The following SAMD5 variants were observed in gnomAD, a reference collection of about 807,000 sequenced individuals.
The protein encoded by SAMD5 is sterile alpha motif domain-containing protein 5.
SAMD5 carries 13 observed loss-of-function variants against 11.3 expected under a neutral mutation model. The observed-to-expected ratio is 1.15, with a 90% CI of 0.75 to 1.83. The LOEUF (loss-of-function observed/expected upper bound fraction) is 1.83. Among genes scored for constraint, SAMD5 ranks in the 40% most tolerant of loss-of-function variants. The pLI is 0.00. For missense variants in SAMD5, 255 were observed against 239.1 expected (o/e 1.07, Z -0.44); for synonymous variants, 129 against 111.3 (o/e 1.16, Z -1.00).
At chr6:147,795,296 A>G in the SAMD5 span, among the ~76,000 whole-genome samples, 1 of 142,440 alleles carries the variant, frequency 7.0e-6, no homozygotes, top group Non-Finnish European at 1.5e-5. Context: ...ATTCCCACCT[A>G]TGAGTGAGAA....
At chr6:147,777,253 G>A in the SAMD5 span, among the ~76,000 whole-genome samples, 4 of 151,892 alleles carry the variant, frequency 2.6e-5, no homozygotes, top group African/African-American at 7.3e-5. Flanking sequence ...GATTTGTGCC[G>A]ATGACATTGG....
the SAMD5 span, among the ~76,000 whole-genome samples, chr6:147,830,224 A>G: frequency 6.7e-6 from 1 of 149,100 alleles, no homozygotes; most frequent in African/African-American, 2.5e-5. Flanking sequence ...CTCCCTCCCA[A>G]TAAGCTTTTT....
chr6:147,704,675 T>C (rs148398317), intron 1 of SAMD5, among the ~76,000 whole-genome samples: 19 of 152,132 alleles, frequency 1.2e-4, no homozygotes, highest in African/African-American at 4.6e-4. Context: ...CCCTTTAAGG[T>C]TGACAAAAAT....
the SAMD5 span, among the ~76,000 whole-genome samples, chr6:147,758,670 G>A: frequency 6.6e-6 from 1 of 152,088 alleles, no homozygotes; most frequent in Non-Finnish European, 1.5e-5. Context: ...AATGGAAATC[G>A]AGTCAGGGCA....
At chr6:147,544,780 A>G (rs1290435486) in intron 1 of SAMD5, among the ~76,000 whole-genome samples, 1 of 152,218 alleles carries the variant, frequency 6.6e-6, no homozygotes, top group African/African-American at 2.4e-5. Flanking sequence ...TCCTGAGCGA[A>G]TAAGAAACAA....
the SAMD5 span, among the ~76,000 whole-genome samples, chr6:147,912,636 G>C: frequency 5.3e-5 from 8 of 152,146 alleles, no homozygotes; most frequent in Non-Finnish European, 1.2e-4. Flanking sequence ...CATTACATCA[G>C]TATTTGTAAC....
chr6:147,615,883 C>G (rs1158273882), intron 1 of SAMD5, among the ~76,000 whole-genome samples: 5 of 152,092 alleles, frequency 3.3e-5, no homozygotes, highest in African/African-American at 1.2e-4. Context: ...TACTATGATT[C>G]TGCTCTTCTA....
At chr6:147,880,835 G>A in the SAMD5 span, among the ~76,000 whole-genome samples, 1 of 151,910 alleles carries the variant, frequency 6.6e-6, no homozygotes, top group Non-Finnish European at 1.5e-5. Flanking sequence ...CAAAATTTTG[G>A]TTAGATTCTT....
the SAMD5 span, among the ~76,000 whole-genome samples, chr6:147,783,482 C>T: frequency 6.6e-6 from 1 of 152,046 alleles, no homozygotes; most frequent in Admixed American, 6.6e-5. Context: ...CAACCTCCAC[C>T]TCCTGGGTTC....
intron 1 of SAMD5, among the ~76,000 whole-genome samples, chr6:147,669,197 A>G (rs775371280): frequency 1.3e-5 from 2 of 152,334 alleles, no homozygotes; most frequent in East Asian, 1.9e-4. Context: ...TTATTTCAGA[A>G]TTGGAACCAA....
At chr6:147,916,882 G>T in the SAMD5 span, among the ~76,000 whole-genome samples, 1 of 150,694 alleles carries the variant, frequency 6.6e-6, no homozygotes, top group Admixed American at 6.6e-5. Flanking sequence ...CAAAGGACAT[G>T]AACTCATCAT....
the SAMD5 span, among the ~76,000 whole-genome samples, chr6:147,878,099 A>AAT: frequency 5.7e-4 from 86 of 150,984 alleles, no homozygotes; most frequent in Middle Eastern, 6.8e-3. Flanking sequence ...TATTTATCAT[A>AAT]ATATATATAT....
chr6:147,913,879 GC>G, the SAMD5 span, among the ~76,000 whole-genome samples: 2 of 152,218 alleles, frequency 1.3e-5, no homozygotes, highest in African/African-American at 4.8e-5. Flanking sequence ...GTGTGTGGGT[GC>G]ATGTGCGTGC....
the SAMD5 span, among the ~76,000 whole-genome samples, chr6:147,877,147 C>T: frequency 6.6e-6 from 1 of 151,938 alleles, no homozygotes; most frequent in African/African-American, 2.4e-5. Context: ...GAGAATAAAA[C>T]AAGACAGTCC....
At chr6:147,666,829 T>C (rs1790729447) in intron 1 of SAMD5, among the ~76,000 whole-genome samples, 1 of 152,218 alleles carries the variant, frequency 6.6e-6, no homozygotes, top group African/African-American at 2.4e-5. Context: ...GGGATGCTGT[T>C]GATAACTTTT....
the SAMD5 span, among the ~76,000 whole-genome samples, chr6:147,899,684 T>C: frequency 6.6e-6 from 1 of 152,130 alleles, no homozygotes; most frequent in African/African-American, 2.4e-5. Context: ...GGCATTTGAG[T>C]TGTGACCTTT....
the SAMD5 span, among the ~76,000 whole-genome samples, chr6:147,906,803 C>A: frequency 1.3e-5 from 2 of 152,170 alleles, no homozygotes; most frequent in African/African-American, 4.8e-5. Flanking sequence ...CTCCTAATGT[C>A]TGTATAACAC....
chr6:147,533,167 G>A (rs533825841), intron 1 of SAMD5, among the ~76,000 whole-genome samples: 6 of 152,218 alleles, frequency 3.9e-5, no homozygotes, highest in Admixed American at 3.3e-4. Flanking sequence ...CCAAGCCCCG[G>A]GGCAGGTCCA....
At chr6:147,924,899 A>T in the SAMD5 span, among the ~76,000 whole-genome samples, 16 of 152,086 alleles carry the variant, frequency 1.1e-4, no homozygotes, top group African/African-American at 3.1e-4. Flanking sequence ...TCTTGATGAT[A>T]TGTAAAATTT....
Sources: allele counts gnomAD v4.1 joint callset (sites outside exome capture counted in the v4.1 genomes callset), GRCh38; gene constraint gnomAD v4.1.1; transcripts MANE v1.5; gene names NCBI Gene and HGNC (gene_info 2026-07-23, HGNC 2026-07-21).